PRKCE: variants seen among roughly 807,000 people sequenced by gnomAD.
PRKCE encodes protein kinase C epsilon.
In PRKCE, 16 loss-of-function variants were observed where a neutral mutation model predicts 85.4. The ratio of observed to expected loss-of-function variants is 0.19; its 90% CI spans 0.13 to 0.28. The LOEUF (loss-of-function observed/expected upper bound fraction) is 0.28, where lower values mean the gene tolerates loss of function less well. PRKCE is among the 10% of genes least tolerant of loss of function. PRKCE has a pLI of 1.00. For synonymous variants in PRKCE, 388 were observed against 371.5 expected, an observed-to-expected ratio of 1.04 and a Z score of -0.51; for missense variants, 573 against 975.2, an observed-to-expected ratio of 0.59 and a Z score of 5.49.
intron 1 of PRKCE, among the ~76,000 whole-genome samples, chr2:45,709,488 G>A (rs2104345779): frequency 6.6e-6 from 1 of 152,370 alleles, no homozygotes; most frequent in South Asian, 2.1e-4. Flanking sequence ...TGGACTAGAT[G>A]ATCATGGATG....
chr2:46,017,520 G>T (rs570949823), intron 10 of PRKCE, among the ~76,000 whole-genome samples: 4 of 152,192 alleles, frequency 2.6e-5, no homozygotes, highest in Non-Finnish European at 4.4e-5. Context: ...ATGGTTGTCT[G>T]AATATTTCTT....
intron 1 of PRKCE, among the ~76,000 whole-genome samples, chr2:45,669,579 G>A (rs1417048767): frequency 6.6e-6 from 1 of 152,124 alleles, no homozygotes; most frequent in Non-Finnish European, 1.5e-5. Flanking sequence ...AGGGAGAAAT[G>A]GCTACTTGAA....
chr2:46,162,146 G>A (rs1414355554), intron 14 of PRKCE, among the ~76,000 whole-genome samples: 1 of 152,176 alleles, frequency 6.6e-6, no homozygotes, highest in Non-Finnish European at 1.5e-5. Flanking sequence ...GCAGGGGTAT[G>A]AGGGGGTCTG....
chr2:46,151,688 G>A (rs934232781), intron 13 of PRKCE, among the ~76,000 whole-genome samples: 9 of 152,250 alleles, frequency 5.9e-5, no homozygotes, highest in African/African-American at 2.2e-4. Flanking sequence ...GCCCACCTGT[G>A]TCCACGACAG....
intron 1 of PRKCE, among the ~76,000 whole-genome samples, chr2:45,841,579 T>C (rs904056842): frequency 6.6e-6 from 1 of 152,208 alleles, no homozygotes; most frequent in Non-Finnish European, 1.5e-5. Flanking sequence ...TGGATCTGCC[T>C]CTCCCAGTCC....
Position 46,151,218 on chromosome 2 carries a change from A to T in PRKCE, c.1909A>T (p.Ile637Phe). Residue 637 changes from isoleucine to phenylalanine, a missense_variant, in exon 13 of 15, where the codon ATC (isoleucine) becomes TTC (phenylalanine). By Grantham distance (21) the Ile-to-Phe change is conservative. Coordinates refer to ENST00000306156, the MANE Select transcript of PRKCE (RefSeq NM_005400.3). ...PVWLSKEAVS[I>F]LKAFMTKNPH... ...CTGGCTCAGCAAGGAGGCTGTCAGC[A>T]TCTTGAAAGCTGTGAGTCACTGCCC... 6.3e-7 allele frequency: 1 copy of T among 1,596,748 alleles called. No homozygotes were observed. The highest frequency in any genetic ancestry group is 8.5e-7 in the Non-Finnish European group (1 of 1,178,110).
chr2:45,949,576 T>G (rs976496423), intron 2 of PRKCE, among the ~76,000 whole-genome samples: 7 of 152,190 alleles, frequency 4.6e-5, no homozygotes, highest in Admixed American at 2.6e-4. Flanking sequence ...TTAATGATCA[T>G]AGTTGGTGTT....
intron 1 of PRKCE, among the ~76,000 whole-genome samples, chr2:45,680,818 T>G (rs549597320): frequency 1.3e-5 from 2 of 152,326 alleles, no homozygotes; most frequent in South Asian, 4.1e-4. Flanking sequence ...GATGAACACA[T>G]GTAAAACAAT....
At chr2:46,029,513 C>G (rs539921976) in intron 10 of PRKCE, among the ~76,000 whole-genome samples, 5 of 152,138 alleles carry the variant, frequency 3.3e-5, no homozygotes, top group Non-Finnish European at 7.3e-5. Context: ...TCACTGCCCC[C>G]ACTAACGCCA....
rs550590491 is a variant in PRKCE, at chr2:45,788,958, C to A, written c.349-54042C>A. Reference sequence around the variant, plus strand: ...CAAATACCAGAACCTAGTCCTACCCCAGACCAATTAAATCAGAATCTTTGG... The same window carrying A: ...CAAATACCAGAACCTAGTCCTACCCAAGACCAATTAAATCAGAATCTTTGG... On this transcript the variant is annotated intron_variant, in intron 1 of 14. Coordinates refer to ENST00000306156, the MANE Select transcript of PRKCE (RefSeq NM_005400.3). 5.3e-5 allele frequency among the ~76,000 whole-genome samples: 8 copies of A among 152,328 alleles called. No individual in the cohort carries two copies. In the East Asian group the frequency reaches 1.4e-3, roughly 26 times the overall value.
rs114122351 is a variant in PRKCE at position 45,770,251 on chromosome 2, C to T, written c.349-72749C>T. On this transcript the variant is annotated intron_variant, in intron 1 of 14. Transcript: ENST00000306156. Reference sequence around the variant, plus strand: ...GCCCTAGGGTCAAATGCAGACTGGTCAGGGACAATCTGGAAATACTGTAGG... The same window carrying T: ...GCCCTAGGGTCAAATGCAGACTGGTTAGGGACAATCTGGAAATACTGTAGG... 4.0e-3 allele frequency among the ~76,000 whole-genome samples: 605 copies of T among 152,238 alleles called. 6 individuals are homozygous for T. The highest frequency in any genetic ancestry group is 0.014 in the African/African-American group (563 of 41,530).
intron 11 of PRKCE, among the ~76,000 whole-genome samples, chr2:46,134,969 C>T (rs1674813260): frequency 6.6e-6 from 1 of 152,208 alleles, no homozygotes; most frequent in African/African-American, 2.4e-5. Flanking sequence ...ATTGGATGAT[C>T]ATGCAATCAG....
chr2:46,104,812 C>T (rs1369286090), intron 11 of PRKCE, among the ~76,000 whole-genome samples: 2 of 152,152 alleles, frequency 1.3e-5, no homozygotes, highest in Non-Finnish European at 2.9e-5. Flanking sequence ...TTGTCCAGGT[C>T]CTTTTGTACA....
At chr2:46,031,591 C>CGTGTGTGTGT (rs58684318) in intron 10 of PRKCE, among the ~76,000 whole-genome samples, 2,453 of 144,080 alleles carry the variant, frequency 0.017, 30 homozygotes, top group Non-Finnish European at 0.027. Context: ...ACATTCTGCT[C>CGTGTGTGTGT]GTGTGTGTGT....
In PRKCE at chr2:46,159,306, T is replaced by G. The variant is rs1324629607; in HGVS notation, c.1921-300T>G. ...TACTAGCTGGGTGACTTTGGCCAAA[T>G]TAGCTGACCTCTGTGTGCTTCTAGT... On this transcript the variant is annotated intron_variant, in intron 13 of 14. Transcript: ENST00000306156. The surrounding 1 kb of genome is among the most constrained non-coding windows in gnomAD (Gnocchi z 4.1). 6.6e-6 allele frequency among the ~76,000 whole-genome samples: 1 copy of G among 152,166 alleles called. No homozygotes were observed. Among genetic ancestry groups the G allele is most frequent in the African/African-American group, 2.4e-5 (1 of 41,444 alleles).
intron 14 of PRKCE, among the ~76,000 whole-genome samples, chr2:46,163,274 C>T (rs913134088): frequency 2.1e-4 from 32 of 151,710 alleles, no homozygotes; most frequent in Non-Finnish European, 3.8e-4. Flanking sequence ...CACAGGGAAG[C>T]TGAGGTGCAT....
At chr2:45,994,968 T>C (rs1430205658) in intron 6 of PRKCE, among the ~76,000 whole-genome samples, 1 of 152,178 alleles carries the variant, frequency 6.6e-6, no homozygotes, top group East Asian at 1.9e-4. Context: ...AGTTACCTCC[T>C]TGTATTTTGG....
chr2:45,806,530 A>G (rs1688256768), intron 1 of PRKCE, among the ~76,000 whole-genome samples: 1 of 152,178 alleles, frequency 6.6e-6, no homozygotes, highest in South Asian at 2.1e-4. Context: ...CCATCTATCC[A>G]CAAAACTCTT....
chr2:46,158,423 G>C (rs374269875), intron 13 of PRKCE, among the ~76,000 whole-genome samples: 8 of 152,104 alleles, frequency 5.3e-5, no homozygotes, highest in African/African-American at 1.9e-4. Context: ...TTAAAGTGGG[G>C]GTCACCTTGC....
Sources: gnomAD v4.1 joint callset for allele counts (sites outside exome capture counted in the v4.1 genomes callset) on GRCh38, gnomAD v4.1.1 for gene constraint, Gnocchi (gnomAD v3.1) non-coding constraint, MANE v1.5 for transcripts, NCBI Gene and HGNC (gene_info 2026-07-23, HGNC 2026-07-21) for gene names.